Variants in LRRC75A observed in about 807,000 individuals in gnomAD.
LRRC75A encodes leucine-rich repeat-containing protein 75A.
Under a neutral mutation model 26.0 loss-of-function variants are expected in LRRC75A, and 12 were observed. That is an observed-to-expected ratio of 0.46 (90% CI 0.30 to 0.75). LRRC75A has a LOEUF of 0.75. Among genes scored for constraint, LRRC75A ranks in the 30% least tolerant of loss-of-function variants. LRRC75A has a pLI of 0.08. For missense variants in LRRC75A, 410 were observed against 486.6 expected, an observed-to-expected ratio of 0.84 and a Z score of 1.48; for synonymous variants, 223 against 219.3, an observed-to-expected ratio of 1.02 and a Z score of -0.15.
At position 16,447,942 on chromosome 17, in the gene LRRC75A, C is replaced by T. The variant is rs926419401; in HGVS notation, c.394G>A (p.Ala132Thr). The T allele has an allele frequency of 3.7e-5, 58 of 1,550,906 alleles. No homozygotes were observed. The highest frequency in any genetic ancestry group is 1.2e-4 in the Admixed American group (6 of 50,962). ...AGCTGCCGGCACAGCTTCTCCATGG[C>T]GCCCAGTGCATCGCCTTCCTGCAGA... The part of the protein sequence containing the change: ...CPKPEGDALG[A>T]MEKLCRQLTY... The change falls in exon 3 of 4, where the codon GCC (alanine) becomes ACC (threonine). Residue 132 changes from alanine (A) to threonine (T), a missense_variant. Coordinates refer to ENST00000470794, the MANE Select transcript of LRRC75A (RefSeq NM_001113567.3).
intron 1 of LRRC75A, among the ~76,000 whole-genome samples, chr17:16,472,922 A>C (rs2093811002): frequency 6.6e-6 from 1 of 152,204 alleles, no homozygotes; most frequent in Non-Finnish European, 1.5e-5. Context: ...GTTATGTTAA[A>C]TTTATAAAGT....
intron 1 of LRRC75A, among the ~76,000 whole-genome samples, chr17:16,480,568 G>T (rs891237306): frequency 6.7e-6 from 1 of 148,436 alleles, no homozygotes; most frequent in African/African-American, 2.5e-5. Flanking sequence ...GGTGGAGGTT[G>T]CAGTGAGCTG....
At position 16,441,624 on chromosome 17, in the gene LRRC75A, A is replaced by G. The variant is rs1601040838; in HGVS notation, c.*1964T>C. The G allele has an allele frequency of 3.0e-6, 1 of 334,918 alleles. No individual in the cohort carries two copies. Among genetic ancestry groups the G allele is most frequent in the African/African-American group, 2.4e-5 (1 of 41,158 alleles). The allele number at this position is 334,918 out of a possible 1,614,324, so 20.7% of individuals were successfully genotyped here. On this transcript the variant is annotated 3_prime_UTR_variant, in exon 4 of 4. Coordinates refer to ENST00000470794, the MANE Select transcript of LRRC75A (RefSeq NM_001113567.3). Reference sequence around the variant, plus strand: ...AGTCTTGCTGTATTGCCCAGGCTGGAGTGTGGTGGCACAATCACAGCTCAT... The same window carrying G: ...AGTCTTGCTGTATTGCCCAGGCTGGGGTGTGGTGGCACAATCACAGCTCAT...
In LRRC75A at chr17:16,462,651, C is replaced by T. The variant is rs77952739; in HGVS notation, c.247-265G>A. Among the ~76,000 whole-genome samples the T allele has an allele frequency of 1.5e-3, 222 of 152,334 alleles. 1 individual carries two copies. Among genetic ancestry groups the T allele is most frequent in the Middle Eastern group, 0.01 (3 of 294 alleles). On this transcript the variant is annotated intron_variant, in intron 1 of 3. Coordinates refer to ENST00000470794, the MANE Select transcript of LRRC75A (RefSeq NM_001113567.3). This position sits in a 1 kb window ranked among gnomAD's most constrained non-coding sequence, Gnocchi z 4.6. ...CTTGTGGCCCTCTCCTAGGACAGCC[C>T]CTGACCTTTGTCTCTCTGGTTTTCC...
intron 1 of LRRC75A, chr17:16,470,231 C>G (rs948797043): frequency 1.3e-5 from 2 of 152,020 alleles, no homozygotes; most frequent in Non-Finnish European, 2.9e-5. Context: ...CCCTCTTAAA[C>G]TCATTTTTAA....
At position 16,441,685 on chromosome 17, in the gene LRRC75A, C is replaced by T; in HGVS notation, c.*1903G>A. On this transcript the variant is annotated 3_prime_UTR_variant, in exon 4 of 4. Transcript: ENST00000470794. The stretch of plus-strand genomic sequence containing the variant: ...ATCACCCAGGCCTAAGCAATCCTCC[C>T]ACCTTGTAGCTGGGACTACAGCTCA... 3.4e-6 allele frequency: 1 copy of T among 291,618 alleles called. No homozygotes were observed. The highest frequency in any genetic ancestry group is 2.9e-5 in the South Asian group (1 of 34,036). The allele number at this position is 291,618 out of a possible 1,614,324, so 18.1% of individuals were successfully genotyped here.
chr17:16,481,256 G>T (rs1424652331), intron 1 of LRRC75A, among the ~76,000 whole-genome samples: 2 of 152,074 alleles, frequency 1.3e-5, no homozygotes, highest in Non-Finnish European at 2.9e-5. Flanking sequence ...AAGGCCACAG[G>T]ACTACACCAG....
intron 1 of LRRC75A, among the ~76,000 whole-genome samples, chr17:16,480,919 G>C (rs1424390794): frequency 2.6e-5 from 4 of 152,222 alleles, no homozygotes; most frequent in African/African-American, 9.6e-5. Flanking sequence ...GGGACCACTG[G>C]GCTGGGCAGG....
intron 1 of LRRC75A, among the ~76,000 whole-genome samples, chr17:16,478,181 C>CT (rs1174797128): frequency 2.7e-5 from 4 of 148,520 alleles, no homozygotes; most frequent in Non-Finnish European, 4.5e-5. Flanking sequence ...CCATTTTCTT[C>CT]TTTTTTTTTC....
chr17:16,459,467 G>C (rs991785510), intron 2 of LRRC75A, among the ~76,000 whole-genome samples: 13 of 152,168 alleles, frequency 8.5e-5, no homozygotes, highest in Non-Finnish European at 1.3e-4. Flanking sequence ...AGGGTGTGGA[G>C]GTGTCAGGAA....
At chr17:16,485,958 G>A (rs1223806054) in intron 1 of LRRC75A, among the ~76,000 whole-genome samples, 2 of 152,160 alleles carry the variant, frequency 1.3e-5, no homozygotes, top group Non-Finnish European at 2.9e-5. Flanking sequence ...TTACAGCGGG[G>A]TGGGGGAATA....
Position 16,491,726 on chromosome 17 carries a change from G to GC in LRRC75A, c.246+18dup. On this transcript the variant is annotated intron_variant, in intron 1 of 3. Transcript: ENST00000470794. The surrounding 1 kb of genome is among the most constrained non-coding windows in gnomAD (Gnocchi z 5.9). The stretch of plus-strand genomic sequence containing the variant: ...CCCCCTGGCCCGGCGCGCCCCCCGC[G>GC]CCCCCTCCCCGCGCTCACCTGGCGC... 1.6e-6 allele frequency: 2 copies of GC among 1,279,018 alleles called. No individual in the cohort carries two copies. Among genetic ancestry groups the GC allele is most frequent in the South Asian group, 2.0e-5 (1 of 50,650 alleles). The allele number at this position is 1,279,018 out of a possible 1,614,324, so 79.2% of individuals were successfully genotyped here.
At chr17:16,482,708 T>C (rs2093837404) in intron 1 of LRRC75A, among the ~76,000 whole-genome samples, 1 of 152,234 alleles carries the variant, frequency 6.6e-6, no homozygotes, top group Non-Finnish European at 1.5e-5. Flanking sequence ...AATCTGACCA[T>C]GGCCAGCCCT....
Position 16,462,150 on chromosome 17 carries a change from C to T in LRRC75A, c.375+108G>A. 1 of 1,304,480 alleles carries T rather than the reference C, an allele frequency of 7.7e-7. No homozygotes were observed. Among genetic ancestry groups the T allele is most frequent in the South Asian group, 1.4e-5 (1 of 70,014 alleles). The allele number at this position is 1,304,480 out of a possible 1,614,324, so 80.8% of individuals were successfully genotyped here. On this transcript the variant is annotated intron_variant, in intron 2 of 3. Coordinates refer to ENST00000470794, the MANE Select transcript of LRRC75A (RefSeq NM_001113567.3). The surrounding 1 kb of genome is among the most constrained non-coding windows in gnomAD (Gnocchi z 4.6). ...TTGGTGCCTGGAGGACGGGCTTGTCCTCCTTGGGCCTGTCTGCCAGTCCTC... is the reference window on the plus strand; with the variant it reads ...TTGGTGCCTGGAGGACGGGCTTGTCTTCCTTGGGCCTGTCTGCCAGTCCTC...
At chr17:16,450,002 T>C (rs1038004894) in intron 2 of LRRC75A, among the ~76,000 whole-genome samples, 2 of 152,168 alleles carry the variant, frequency 1.3e-5, no homozygotes, top group Admixed American at 6.5e-5. Flanking sequence ...GAGGAAACAG[T>C]CTGTGGCAGG....
At chr17:16,475,184 C>T (rs985387699) in intron 1 of LRRC75A, among the ~76,000 whole-genome samples, 6 of 152,032 alleles carry the variant, frequency 3.9e-5, no homozygotes, top group African/African-American at 1.4e-4. Context: ...AAGGTTGTCT[C>T]ATACAGTGAG....
chr17:16,471,556 G>A (rs1040333703), intron 1 of LRRC75A, among the ~76,000 whole-genome samples: 16 of 152,202 alleles, frequency 1.1e-4, no homozygotes, highest in African/African-American at 2.7e-4. Context: ...AACCAAGGAC[G>A]TTATTGCCAG....
At chr17:16,473,129 C>CTGTGTGTGTG (rs10640541) in intron 1 of LRRC75A, among the ~76,000 whole-genome samples, 2 of 148,960 alleles carry the variant, frequency 1.3e-5, no homozygotes, top group African/African-American at 4.9e-5. Context: ...TGTAAGTAGT[C>CTGTGTGTGTG]TGTGTGTGTG....
At chr17:16,480,651 A>AAAC (rs2093831869) in intron 1 of LRRC75A, among the ~76,000 whole-genome samples, 1 of 151,750 alleles carries the variant, frequency 6.6e-6, no homozygotes, top group African/African-American at 2.4e-5. Flanking sequence ...AACAAAAAAA[A>AAAC]AAAACTGGAG....
Sources: gnomAD v4.1 joint callset for allele counts (sites outside exome capture counted in the v4.1 genomes callset) on GRCh38, gnomAD v4.1.1 for gene constraint, Gnocchi (gnomAD v3.1) non-coding constraint, MANE v1.5 for transcripts, NCBI Gene and HGNC (gene_info 2026-07-23, HGNC 2026-07-21) for gene names.